Variants in ACTG2 observed in about 807,000 individuals in gnomAD.
ACTG2 encodes the protein actin gamma 2, smooth muscle, also known as actin, gamma-enteric smooth muscle.
In ACTG2, 16 loss-of-function variants were observed where a neutral mutation model predicts 37.6. That is an observed-to-expected ratio of 0.43 (90% CI 0.29 to 0.65). ACTG2 has a LOEUF of 0.65. Ranked by LOEUF, ACTG2 falls within the 30% of genes least tolerant of loss-of-function variation. ACTG2 has a pLI of 0.18. For synonymous variants in ACTG2, 181 were observed against 179.9 expected (o/e 1.01, Z -0.05); for missense variants, 238 against 490.9 (o/e 0.48, Z 4.87).
chr2:73,902,565 G>C, intron 3 of ACTG2, 77 bp downstream of exon 3: 6 of 1,590,192 alleles, frequency 3.8e-6, no homozygotes, highest in Non-Finnish European at 5.1e-6. Flanking sequence ...ATAGGCCACT[G>C]TGCTCTGTCA....
intron 5 of ACTG2, among the ~76,000 whole-genome samples, chr2:73,910,204 G>T (rs1680099345): frequency 7.3e-6 from 1 of 136,378 alleles, no homozygotes; most frequent in African/African-American, 2.6e-5. Flanking sequence ...GACAGAGCGA[G>T]ACTCCGTCTC....
rs1453591719 is a variant in ACTG2 at position 73,919,789 on chromosome 2, A to G, written c.*214A>G. On this transcript the variant is annotated 3_prime_UTR_variant, in exon 9 of 9. Transcript: ENST00000345517. ...ATTATACCCATATTACAGATGAGGA[A>G]ATTGAGGCTCAGAGAAGTCAAGGAC... The G allele has an allele frequency of 4.8e-6, 2 of 420,942 alleles. No homozygotes were observed. Among genetic ancestry groups the G allele is most frequent in the Non-Finnish European group, 8.1e-6 (2 of 247,534 alleles). 26.1% of individuals were successfully genotyped at this position (420,942 alleles called of 1,614,324 possible). A position where few individuals can be genotyped will look rare whatever the true frequency, so the allele number is the denominator to read the frequency against.
chr2:73,906,348 GGCTGACGCAGGAGAAT>G (rs1680014855), intron 3 of ACTG2, among the ~76,000 whole-genome samples: 1 of 152,046 alleles, frequency 6.6e-6, no homozygotes, highest in Non-Finnish European at 1.5e-5. Flanking sequence ...CTACTCGGGA[GGCTGACGCAGGAGAAT>G]GCCGTGAACC....
intron 1 of ACTG2, among the ~76,000 whole-genome samples, chr2:73,898,173 G>A (rs767271594): frequency 2.5e-4 from 37 of 150,432 alleles, no homozygotes; most frequent in Non-Finnish European, 4.9e-4. Flanking sequence ...CACCAAACAT[G>A]GAGAAGTTAT....
chr2:73,918,757 G>A (rs959661872), intron 8 of ACTG2, among the ~76,000 whole-genome samples: 1 of 152,196 alleles, frequency 6.6e-6, no homozygotes, highest in Non-Finnish European at 1.5e-5. Flanking sequence ...ATGACAGATA[G>A]CTCAAAACAG....
chr2:73,909,572 G>A (rs563103626), intron 5 of ACTG2, among the ~76,000 whole-genome samples: 2 of 152,266 alleles, frequency 1.3e-5, no homozygotes, highest in East Asian at 3.9e-4. Context: ...AAACCTAGAC[G>A]CTGTAGCCTA....
At chr2:73,905,865 C>T (rs937039665) in intron 3 of ACTG2, among the ~76,000 whole-genome samples, 1 of 151,504 alleles carries the variant, frequency 6.6e-6, no homozygotes, top group African/African-American at 2.4e-5. Context: ...ATCAAAGACA[C>T]CATGAATAGT....
chr2:73,899,630 A>G (rs1679834790), intron 1 of ACTG2, among the ~76,000 whole-genome samples: 1 of 152,208 alleles, frequency 6.6e-6, no homozygotes, highest in Non-Finnish European at 1.5e-5. Context: ...ATTCATTTAT[A>G]AAAATGTCAC....
chr2:73,903,971 C>A (rs1451902639), intron 3 of ACTG2, among the ~76,000 whole-genome samples: 165 of 116,394 alleles, frequency 1.4e-3, no homozygotes, highest in East Asian at 2.2e-3. Flanking sequence ...AAAAAAAAAA[C>A]CACATAATAG....
At chr2:73,908,996 A>T in intron 4 of ACTG2, 59 bp from the exon 5 acceptor site, 1 of 1,518,286 alleles carries the variant, frequency 6.6e-7, no homozygotes, top group Non-Finnish European at 9.1e-7. Context: ...ACCATTCTAC[A>T]GGCCAAGAAG....
chr2:73,904,777 GTATATATATATATATATATATATATA>G (rs199782884), intron 3 of ACTG2, among the ~76,000 whole-genome samples: 3 of 42,608 alleles, frequency 7.0e-5, no homozygotes, highest in African/African-American at 2.3e-4. Context: ...GTGTGTGTGT[GTATATATATATATATATATATATATA>G]TATATATATA....
At chr2:73,902,648 G>C in intron 3 of ACTG2, 160 bp downstream of exon 3, 1 of 1,552,048 alleles carries the variant, frequency 6.4e-7, no homozygotes, top group Non-Finnish European at 8.7e-7. Flanking sequence ...CTCCAACCTA[G>C]GCTGCCAACA....
intron 3 of ACTG2, among the ~76,000 whole-genome samples, chr2:73,907,865 T>A (rs368496843): frequency 2.0e-5 from 3 of 152,160 alleles, no homozygotes; most frequent in African/African-American, 7.2e-5. Context: ...TAAAATGTCA[T>A]AGAGCTGCGA....
intron 7 of ACTG2, 98 bp downstream of exon 7, chr2:73,914,969 G>T: frequency 5.6e-6 from 6 of 1,074,294 alleles, no homozygotes; most frequent in South Asian, 3.6e-5. Flanking sequence ...TGGCCACTTT[G>T]TTAATTACAT....
At chr2:73,903,458 C>T (rs368582459) in intron 3 of ACTG2, among the ~76,000 whole-genome samples, 1 of 152,154 alleles carries the variant, frequency 6.6e-6, no homozygotes, top group African/African-American at 2.4e-5. Flanking sequence ...GCAGGAAATC[C>T]AGGTGCAAAT....
Position 73,908,261 on chromosome 2 carries a change from C to A in ACTG2, c.256-412C>A, listed in dbSNP as rs1251099605. On this transcript the variant is annotated intron_variant, in intron 3 of 8. Transcript: ENST00000345517. ...CCACGCCATTGTCAGGAGATAGACC[C>A]TGACTTCTTTTGCCCTCCTACTTTC... The A allele has an allele frequency of 6.4e-6, 3 of 470,962 alleles. No homozygotes were observed. In the Admixed American group the frequency reaches 7.0e-5, roughly 11 times the overall value. 29.2% of individuals were successfully genotyped at this position (470,962 alleles called of 1,614,324 possible). A position where few individuals can be genotyped will look rare whatever the true frequency, so the allele number is the denominator to read the frequency against.
chr2:73,902,043 G>GTGTGTGTC (rs1573462495), intron 2 of ACTG2, among the ~76,000 whole-genome samples: 1 of 128,346 alleles, frequency 7.8e-6, no homozygotes, highest in Non-Finnish European at 1.7e-5. Flanking sequence ...GTGTGTGTCT[G>GTGTGTGTC]TGTGTGTGTG....
rs749903398 is a variant in ACTG2, at chr2:73,913,584, G to A, written c.551G>A (p.Arg184His). 26 of 1,613,860 alleles carry A rather than the reference G, an allele frequency of 1.6e-5. No homozygotes were observed. Among genetic ancestry groups the A allele is most frequent in the East Asian group, 6.7e-5 (3 of 44,882 alleles). Reference protein sequence around the residue: ...HAIMRLDLAGRDLTDYLMKIL... With the variant: ...HAIMRLDLAGHDLTDYLMKIL... ...ATCATGCGCCTGGACTTGGCTGGCCGTGACCTCACGGACTACCTCATGAAG... is the reference window on the plus strand; with the variant it reads ...ATCATGCGCCTGGACTTGGCTGGCCATGACCTCACGGACTACCTCATGAAG... Residue 184 changes from arginine (R) to histidine (H), a missense_variant, in exon 6 of 9, where the codon CGT (arginine) becomes CAT (histidine). Transcript: ENST00000345517.
Position 73,913,029 on chromosome 2 carries a change from C to T in ACTG2, c.452-456C>T, listed in dbSNP as rs1011577987. ...CTAAAAATACAAAAAATTAGCCGGG[C>T]GTGGTGGCAGGCACCTGTAATCCCA... is the stretch of plus-strand genomic sequence containing the variant. On this transcript the variant is annotated intron_variant, in intron 5 of 8. Transcript: ENST00000345517. Among the ~76,000 whole-genome samples, 23 of 152,000 alleles carry T rather than the reference C, an allele frequency of 1.5e-4. No individual in the cohort carries two copies. In the Middle Eastern group the frequency reaches 0.01, roughly 67 times the overall value.
Sources: gnomAD v4.1 joint callset for allele counts (sites outside exome capture counted in the v4.1 genomes callset) on GRCh38, gnomAD v4.1.1 for gene constraint, MANE v1.5 for transcripts, NCBI Gene and HGNC (gene_info 2026-07-23, HGNC 2026-07-21) for gene names.